PDGFC: variants seen among roughly 807,000 people sequenced by gnomAD.
PDGFC encodes the protein platelet-derived growth factor C.
In PDGFC, 12 loss-of-function variants were observed where a neutral mutation model predicts 35.5. That is an observed-to-expected ratio of 0.34 (90% CI 0.22 to 0.55). The LOEUF is 0.55. Among genes scored for constraint, PDGFC ranks in the 20% least tolerant of loss-of-function variants. The pLI is 0.91. For missense variants in PDGFC, 322 were observed against 412.4 expected (o/e 0.78, Z 1.90); for synonymous variants, 159 against 148.8 (o/e 1.07, Z -0.50).
intron 2 of PDGFC, among the ~76,000 whole-genome samples, chr4:156,826,228 C>T (rs983895958): frequency 1.8e-5 from 2 of 109,526 alleles, no homozygotes; most frequent in African/African-American, 7.2e-5. Flanking sequence ...GTTTCACTCT[C>T]GTTGCCCAGG....
intron 3 of PDGFC, among the ~76,000 whole-genome samples, chr4:156,805,306 T>C (rs910927294): frequency 6.6e-6 from 1 of 152,028 alleles, no homozygotes. Flanking sequence ...CAGACTACAG[T>C]GTAGATAAAT....
intron 3 of PDGFC, among the ~76,000 whole-genome samples, chr4:156,799,228 ATAATGGCTTT>A (rs1731530351): frequency 6.6e-6 from 1 of 152,218 alleles, no homozygotes; most frequent in Non-Finnish European, 1.5e-5. Flanking sequence ...AGGTATTTCC[ATAATGGCTTT>A]TATTCACACT....
intron 1 of PDGFC, among the ~76,000 whole-genome samples, chr4:156,909,965 A>T (rs1560868719): frequency 6.6e-6 from 1 of 152,128 alleles, no homozygotes; most frequent in African/African-American, 2.4e-5. Flanking sequence ...AATAAAGGTA[A>T]AAACTAGAAT....
intron 1 of PDGFC, among the ~76,000 whole-genome samples, chr4:156,951,949 AC>A (rs1417217702): frequency 1.3e-5 from 2 of 151,802 alleles, no homozygotes; most frequent in Non-Finnish European, 2.9e-5. Flanking sequence ...TTCCAAGAAC[AC>A]TTTTCTGATT....
At chr4:156,802,051 G>C (rs1560818086) in intron 3 of PDGFC, among the ~76,000 whole-genome samples, 1 of 152,092 alleles carries the variant, frequency 6.6e-6, no homozygotes, top group Non-Finnish European at 1.5e-5. Context: ...CTTGCAACAT[G>C]TGGTTACTAT....
chr4:156,883,645 T>C (rs1388268142), intron 1 of PDGFC, among the ~76,000 whole-genome samples: 1 of 152,196 alleles, frequency 6.6e-6, no homozygotes, highest in African/African-American at 2.4e-5. Context: ...CTATACATCA[T>C]TGAACTACAG....
In PDGFC at chr4:156,760,614, ATG is replaced by A. The variant is rs112313675; in HGVS notation, c.*2474_*2475del. 3.2e-3 allele frequency: 474 copies of A among 147,740 alleles called. 2 individuals carry two copies. Among genetic ancestry groups the A allele is most frequent in the African/African-American group, 7.3e-3 (296 of 40,520 alleles). 9.2% of individuals were successfully genotyped at this position (147,740 alleles called of 1,614,324 possible). ...CAGAAATTAGGGTCATGTGCTATTT[ATG>A]TGTGTGTGTGTGTGTGTGTGTGTTT... On this transcript the variant is annotated 3_prime_UTR_variant, in exon 6 of 6. Coordinates refer to ENST00000502773, the MANE Select transcript of PDGFC (RefSeq NM_016205.3).
At chr4:156,791,390 ACT>A (rs1731296803) in intron 3 of PDGFC, among the ~76,000 whole-genome samples, 1 of 152,180 alleles carries the variant, frequency 6.6e-6, no homozygotes, top group Admixed American at 6.5e-5. Flanking sequence ...TAACGTGGAA[ACT>A]CAGAAATGAT....
At chr4:156,797,716 T>C (rs998038524) in intron 3 of PDGFC, among the ~76,000 whole-genome samples, 1 of 152,128 alleles carries the variant, frequency 6.6e-6, no homozygotes, top group Non-Finnish European at 1.5e-5. Context: ...CTGGGCCACA[T>C]GGGGCCCGCG....
rs1483596843 is a variant in PDGFC at position 156,760,949 on chromosome 4, C to T, written c.*2141G>A. The T allele has an allele frequency of 1.3e-5, 2 of 151,766 alleles. No homozygotes were observed. Among genetic ancestry groups the T allele is most frequent in the Non-Finnish European group, 2.9e-5 (2 of 67,978 alleles). The allele number at this position is 151,766 out of a possible 1,614,324, so 9.4% of individuals were successfully genotyped here. On this transcript the variant is annotated 3_prime_UTR_variant, in exon 6 of 6. Coordinates refer to ENST00000502773, the MANE Select transcript of PDGFC (RefSeq NM_016205.3). The stretch of plus-strand genomic sequence containing the variant: ...TGCATATTCCATATATCTAGTTGGC[C>T]TCTATATGGATAGGACAAAACCAGG...
intron 1 of PDGFC, among the ~76,000 whole-genome samples, chr4:156,873,115 C>A (rs960605737): frequency 6.6e-6 from 1 of 152,076 alleles, no homozygotes; most frequent in African/African-American, 2.4e-5. Context: ...AGAGAAAGAC[C>A]CTGTCTCAAA....
chr4:156,969,094 A>C (rs868800262), intron 1 of PDGFC, among the ~76,000 whole-genome samples: 3 of 152,252 alleles, frequency 2.0e-5, no homozygotes, highest in African/African-American at 7.2e-5. Context: ...AGGCTTGATA[A>C]GACAAGGCAA....
intron 3 of PDGFC, among the ~76,000 whole-genome samples, chr4:156,777,961 C>T (rs77994441): frequency 0.01 from 1,520 of 151,846 alleles, 13 homozygotes; most frequent in Non-Finnish European, 0.017. Context: ...AAAAATTAGC[C>T]AGGCATGTTG....
rs534473502 is a variant in PDGFC, at chr4:156,772,131, G to A, written c.703+555C>T. On this transcript the variant is annotated intron_variant, in intron 4 of 5. Coordinates refer to ENST00000502773, the MANE Select transcript of PDGFC (RefSeq NM_016205.3). ...ATGGTGTGGGTTCTTTTAGGTTCTT[G>A]TTTTCTTGCTATGAATCCTGCCTTG... Among the ~76,000 whole-genome samples the A allele has an allele frequency of 4.0e-5, 6 of 151,782 alleles. No homozygotes were observed. The South Asian group carries it at 1.2e-3, about 31-fold the overall frequency.
At position 156,869,378 on chromosome 4, in the gene PDGFC, G is replaced by A. The variant is rs529429158; in HGVS notation, c.119-18962C>T. ...TTGAACCCAGGAGGTAGAGCTTGCA[G>A]TGAGCCCAGATTGCGCCACTGCACT... On this transcript the variant is annotated intron_variant, in intron 1 of 5. Coordinates refer to ENST00000502773, the MANE Select transcript of PDGFC (RefSeq NM_016205.3). Among the ~76,000 whole-genome samples the A allele has an allele frequency of 4.1e-4, 62 of 152,022 alleles. No individual in the cohort carries two copies. The South Asian group carries it at 7.7e-3, about 19-fold the overall frequency.
intron 2 of PDGFC, among the ~76,000 whole-genome samples, chr4:156,832,531 A>T (rs1016751543): frequency 1.3e-5 from 2 of 152,310 alleles, no homozygotes; most frequent in African/African-American, 4.8e-5. Flanking sequence ...CTGGGATTAT[A>T]GGTGTCAGCC....
At chr4:156,951,129 T>C (rs1732070361) in intron 1 of PDGFC, among the ~76,000 whole-genome samples, 1 of 151,884 alleles carries the variant, frequency 6.6e-6, no homozygotes, top group African/African-American at 2.4e-5. Flanking sequence ...CCAGGCAAGG[T>C]TCTAGATCCT....
intron 1 of PDGFC, among the ~76,000 whole-genome samples, chr4:156,853,934 G>A (rs370630252): frequency 3.2e-4 from 49 of 152,266 alleles, no homozygotes; most frequent in Middle Eastern, 3.4e-3. Flanking sequence ...CTGCACTCCA[G>A]CCTTGGTGAC....
chr4:156,898,526 T>C (rs1335546896), intron 1 of PDGFC, among the ~76,000 whole-genome samples: 1 of 152,210 alleles, frequency 6.6e-6, no homozygotes, highest in Non-Finnish European at 1.5e-5. Context: ...ACAAGTACAA[T>C]CTGCAACTGC....
Sources: allele counts gnomAD v4.1 joint callset (sites outside exome capture counted in the v4.1 genomes callset), GRCh38; gene constraint gnomAD v4.1.1; transcripts MANE v1.5; gene names NCBI Gene and HGNC (gene_info 2026-07-23, HGNC 2026-07-21).